The following ADGRV1 variants were observed in gnomAD, a reference collection of about 807,000 sequenced individuals.
ADGRV1 encodes the protein G-protein coupled receptor 98.
A neutral mutation model predicts 596.2 loss-of-function variants in ADGRV1; 359 were observed. The ratio of observed to expected loss-of-function variants is 0.60; its 90% CI spans 0.55 to 0.66. The LOEUF is 0.66. ADGRV1 is among the 30% of genes least tolerant of loss of function. The pLI is 0.00. For synonymous variants in ADGRV1, 2,681 were observed against 2,679.2 expected (o/e 1.00, Z -0.02); for missense variants, 7,274 against 7,575.6 (o/e 0.96, Z 1.48).
intron 53 of ADGRV1, among the ~76,000 whole-genome samples, chr5:90,753,183 T>C (rs895091828): frequency 1.1e-4 from 17 of 152,172 alleles, no homozygotes; most frequent in African/African-American, 3.9e-4. Context: ...AAGGAAATAA[T>C]CCGGGCAAAA....
At chr5:90,646,268 T>C (rs191605127) in intron 16 of ADGRV1, among the ~76,000 whole-genome samples, 177 bp downstream of exon 16, 153 of 152,262 alleles carry the variant, frequency 1.0e-3, no homozygotes, top group Non-Finnish European at 8.4e-4. Context: ...GATGCTTGTT[T>C]AAAGATTTTG....
chr5:90,826,356 A>G (rs906570800), intron 76 of ADGRV1, among the ~76,000 whole-genome samples: 13 of 152,216 alleles, frequency 8.5e-5, no homozygotes, highest in Non-Finnish European at 1.5e-4. Context: ...GTCAAAGGAA[A>G]GACATCAGTT....
chr5:90,583,852 A>G (rs1312641855), intron 1 of ADGRV1, among the ~76,000 whole-genome samples: 3 of 152,128 alleles, frequency 2.0e-5, no homozygotes, highest in African/African-American at 7.2e-5. Context: ...TAAAATGTGC[A>G]CGTTTCATTT....
intron 86 of ADGRV1, among the ~76,000 whole-genome samples, chr5:91,091,179 A>T (rs1363708085): frequency 6.6e-6 from 1 of 152,048 alleles, no homozygotes; most frequent in African/African-American, 2.4e-5. Flanking sequence ...TTTCCCTCCC[A>T]TTAAAAAACA....
chr5:91,037,559 A>G (rs748556741), intron 85 of ADGRV1, among the ~76,000 whole-genome samples: 6 of 152,216 alleles, frequency 3.9e-5, no homozygotes, highest in Non-Finnish European at 7.3e-5. Context: ...GAATAAGAAA[A>G]GAACAAGGTA....
chr5:90,967,253 A>G (rs1167524613), intron 84 of ADGRV1, among the ~76,000 whole-genome samples: 1 of 152,148 alleles, frequency 6.6e-6, no homozygotes, highest in Non-Finnish European at 1.5e-5. Flanking sequence ...TCTCTCCAAG[A>G]TTTGTTTCTA....
intron 83 of ADGRV1, among the ~76,000 whole-genome samples, chr5:90,902,959 G>C (rs997537215): frequency 6.6e-6 from 1 of 152,018 alleles, no homozygotes; most frequent in African/African-American, 2.4e-5. Context: ...GAAAGGGATG[G>C]AAAAATCCCT....
At chr5:91,153,812 A>G (rs951668574) in intron 89 of ADGRV1, among the ~76,000 whole-genome samples, 9 of 152,338 alleles carry the variant, frequency 5.9e-5, no homozygotes, top group Non-Finnish European at 1.0e-4. Flanking sequence ...GTATAGTTCT[A>G]TAATTTCCAA....
At chr5:90,721,271 G>A (rs1489222228) in intron 45 of ADGRV1, among the ~76,000 whole-genome samples, 2 of 152,048 alleles carry the variant, frequency 1.3e-5, no homozygotes, top group Non-Finnish European at 2.9e-5. Flanking sequence ...TTGGAAGGCC[G>A]AGGCGGGTGG....
chr5:90,816,995 C>A (rs1403621135), intron 75 of ADGRV1, among the ~76,000 whole-genome samples: 1 of 152,054 alleles, frequency 6.6e-6, no homozygotes, highest in Non-Finnish European at 1.5e-5. Context: ...ACACTGACTT[C>A]CACAATGGTT....
At chr5:91,027,143 A>AC (rs1784078594) in intron 85 of ADGRV1, among the ~76,000 whole-genome samples, 1 of 130,658 alleles carries the variant, frequency 7.7e-6, no homozygotes, top group Non-Finnish European at 1.6e-5. Context: ...CACAGTCTCA[A>AC]AACACACACA....
intron 87 of ADGRV1, among the ~76,000 whole-genome samples, chr5:91,104,923 G>A (rs372694696): frequency 3.4e-5 from 5 of 145,006 alleles, no homozygotes; most frequent in East Asian, 2.0e-4. Flanking sequence ...GCAGTGGCGC[G>A]AACTCAGCTC....
At chr5:91,078,269 A>T (rs541915751) in intron 86 of ADGRV1, among the ~76,000 whole-genome samples, 1 of 152,186 alleles carries the variant, frequency 6.6e-6, no homozygotes, top group Non-Finnish European at 1.5e-5. Flanking sequence ...CTTACATCCT[A>T]AAGTTGAGTG....
At chr5:90,592,436 T>G (rs1430790695) in intron 1 of ADGRV1, among the ~76,000 whole-genome samples, 1 of 152,180 alleles carries the variant, frequency 6.6e-6, no homozygotes, top group Admixed American at 6.5e-5. Flanking sequence ...ATAAGAATGA[T>G]ACAATGGATT....
intron 85 of ADGRV1, among the ~76,000 whole-genome samples, chr5:91,063,425 A>C (rs1488494915): frequency 2.6e-5 from 4 of 152,200 alleles, no homozygotes; most frequent in African/African-American, 7.2e-5. Context: ...ACATAATTCT[A>C]TTCATAGCAT....
rs541747240 is a variant in ADGRV1, at chr5:90,712,539, G to T, written c.9184+111G>T. On this transcript the variant is annotated intron_variant, in intron 42 of 89. Transcript: ENST00000405460. ...CTTGGTGGTTTTCTGTGCTTAAAAT[G>T]AGAATGATTTTAAGTTAGAGCATTT... 1.3e-3 allele frequency: 1,022 copies of T among 815,472 alleles called. 5 individuals are homozygous for T. Among genetic ancestry groups the T allele is most frequent in the Non-Finnish European group, 1.7e-3 (874 of 525,324 alleles). 50.5% of individuals were successfully genotyped at this position (815,472 alleles called of 1,614,324 possible).
chr5:90,933,340 C>T (rs1230600648), intron 83 of ADGRV1, among the ~76,000 whole-genome samples: 3 of 151,964 alleles, frequency 2.0e-5, no homozygotes, highest in East Asian at 3.9e-4. Context: ...TATAGGGATG[C>T]CAAGGAAAAT....
chr5:90,581,846 G>A (rs2151976564), intron 1 of ADGRV1, among the ~76,000 whole-genome samples: 1 of 152,284 alleles, frequency 6.6e-6, no homozygotes, highest in Non-Finnish European at 1.5e-5. Context: ...TCTTAACACT[G>A]CTTTGGCTGT....
At chr5:91,098,026 A>G (rs1791026380) in intron 86 of ADGRV1, among the ~76,000 whole-genome samples, 1 of 152,146 alleles carries the variant, frequency 6.6e-6, no homozygotes, top group African/African-American at 2.4e-5. Flanking sequence ...TTTATTGAGA[A>G]CATTGAAATG....
Sources: gnomAD v4.1 joint callset for allele counts (sites outside exome capture counted in the v4.1 genomes callset) on GRCh38, gnomAD v4.1.1 for gene constraint, MANE v1.5 for transcripts, NCBI Gene and HGNC (gene_info 2026-07-23, HGNC 2026-07-21) for gene names.